CHD5: variants seen among roughly 807,000 people sequenced by gnomAD.
CHD5 encodes the protein ATP-dependent chromatin remodeler CHD5.
In CHD5, 69 loss-of-function variants were observed where a neutral mutation model predicts 230.3. The ratio of observed to expected loss-of-function variants is 0.30; its 90% CI spans 0.25 to 0.37. CHD5 has a LOEUF of 0.37. Among genes scored for constraint, CHD5 ranks in the 10% least tolerant of loss-of-function variants. CHD5 has a pLI of 1.00. For missense variants in CHD5, 1,827 were observed against 2,622.8 expected (o/e 0.70, Z 6.63); for synonymous variants, 1,064 against 1,065.9 (o/e 1.00, Z 0.03).
chr1:6,149,025 C>G lies in CHD5; in HGVS notation c.1212G>C (p.Glu404Asp). The change falls in exon 9 of 42, where the codon GAG becomes GAC. Residue 404 changes from glutamate (E) to aspartate (D), a missense_variant. Coordinates refer to ENST00000262450, the MANE Select transcript of CHD5 (RefSeq NM_015557.3). ...CCTCCTCCTCCTCGCAGCCGCCCTC[C>G]TCCTCTTCATCGTCGTCGTCCTTCG... ...WEPKDDDDEEEEGGCEEEEDD... is the reference protein window; with the variant it reads ...WEPKDDDDEEDEGGCEEEEDD... The G allele has an allele frequency of 6.2e-7, 1 of 1,600,326 alleles. No individual in the cohort carries two copies. Among genetic ancestry groups the G allele is most frequent in the Non-Finnish European group, 8.5e-7 (1 of 1,173,954 alleles).
Position 6,125,274 on chromosome 1 carries a change from A to C in CHD5, c.4261-41T>G. 1.2e-5 allele frequency: 8 copies of C among 653,174 alleles called. No individual in the cohort carries two copies. Among genetic ancestry groups the C allele is most frequent in the Non-Finnish European group, 1.9e-5 (8 of 429,680 alleles). The allele number at this position is 653,174 out of a possible 1,614,324, so 40.5% of individuals were successfully genotyped here. On this transcript the variant is annotated intron_variant, in intron 28 of 41. Coordinates refer to ENST00000262450, the MANE Select transcript of CHD5 (RefSeq NM_015557.3). The surrounding 1 kb of genome is among the most constrained non-coding windows in gnomAD (Gnocchi z 6.7). Reference sequence around the variant, plus strand: ...GTGGGAGTATGAGCCCAGGACAGAGAGGGGTGGGGGTGGAGGATTCTGGGA... The same window carrying C: ...GTGGGAGTATGAGCCCAGGACAGAGCGGGGTGGGGGTGGAGGATTCTGGGA...
In CHD5 at chr1:6,133,295, A is replaced by G. The variant is rs118074459; in HGVS notation, c.3144+833T>C. 2.6e-5 allele frequency among the ~76,000 whole-genome samples: 4 copies of G among 152,280 alleles called. No individual in the cohort carries two copies. In the East Asian group the frequency reaches 7.7e-4, roughly 29 times the overall value. On this transcript the variant is annotated intron_variant, in intron 20 of 41. Transcript: ENST00000262450. ...CGAGGTACTGGGGGGATGTGGGTCC[A>G]TCTCCACTCCAGCCCACTCCTTGGC...
At chr1:6,123,898 G>C in intron 31 of CHD5, 50 bp downstream of exon 31, 4 of 1,347,844 alleles carry the variant, frequency 3.0e-6, no homozygotes, top group Non-Finnish European at 2.9e-6. Context: ...CTGTGACCTT[G>C]CCACTTTCCA....
rs552395890 is a variant in CHD5 at position 6,128,006 on chromosome 1, A to T, written c.3903+40T>A. 12 of 1,322,342 alleles carry T rather than the reference A, an allele frequency of 9.1e-6. No individual in the cohort carries two copies. In the East Asian group the frequency reaches 3.4e-4, roughly 37 times the overall value. The allele number at this position is 1,322,342 out of a possible 1,614,324, so 81.9% of individuals were successfully genotyped here. A position where few individuals can be genotyped will look rare whatever the true frequency, so the allele number is the denominator to read the frequency against. On this transcript the variant is annotated intron_variant, in intron 25 of 41. Coordinates refer to ENST00000262450, the MANE Select transcript of CHD5 (RefSeq NM_015557.3). This position sits in a 1 kb window ranked among gnomAD's most constrained non-coding sequence, Gnocchi z 7.8. The stretch of plus-strand genomic sequence containing the variant: ...CAGTGGGGGGCGGGGCTGCGGATGG[A>T]GGGCGGGGCTGCGGATGGAGGGCGG...
chr1:6,116,559 T>C (rs762146266), intron 33 of CHD5, among the ~76,000 whole-genome samples: 6 of 152,194 alleles, frequency 3.9e-5, no homozygotes, highest in African/African-American at 2.4e-5. Flanking sequence ...TGAGAAAAGA[T>C]AGAAATGACA....
intron 33 of CHD5, among the ~76,000 whole-genome samples, chr1:6,118,344 A>ACT (rs1222555055): frequency 6.8e-6 from 1 of 146,146 alleles, no homozygotes; most frequent in African/African-American, 2.6e-5. Context: ...ATGCCACTGC[A>ACT]CTCCAGCCTG....
rs1667268031 is a variant in CHD5 at position 6,167,115 on chromosome 1, GC to G, written c.207+1034del. ...TGCGCCTCACCAGCTACCTCCCTGG[GC>G]CTCTCACTTGCAAGGTGGGGCCAGG... On this transcript the variant is annotated intron_variant, in intron 2 of 41. Transcript: ENST00000262450. This position sits in a 1 kb window ranked among gnomAD's most constrained non-coding sequence, Gnocchi z 4.5. 6.6e-6 allele frequency among the ~76,000 whole-genome samples: 1 copy of G among 152,146 alleles called. No homozygotes were observed. Among genetic ancestry groups the G allele is most frequent in the South Asian group, 2.1e-4 (1 of 4,834 alleles).
At chr1:6,174,374 G>A (rs1334413939) in intron 1 of CHD5, among the ~76,000 whole-genome samples, 2 of 152,232 alleles carry the variant, frequency 1.3e-5, no homozygotes, top group Non-Finnish European at 1.5e-5. Flanking sequence ...ATGGGTGGAC[G>A]GATAATTGTA....
chr1:6,172,425 G>A (rs1048186383), intron 1 of CHD5, among the ~76,000 whole-genome samples: 9 of 152,070 alleles, frequency 5.9e-5, no homozygotes, highest in East Asian at 1.9e-4. Flanking sequence ...TCCTGGGCTC[G>A]AGCGACCCTC....
Position 6,151,046 on chromosome 1 carries a change from C to T in CHD5, c.980G>A (p.Arg327His), listed in dbSNP as rs763049065. The T allele has an allele frequency of 3.4e-5, 54 of 1,572,610 alleles. No individual in the cohort carries two copies. The South Asian group carries it at 4.1e-4, about 12-fold the overall frequency. The change falls in exon 7 of 42, where the codon CGC becomes CAC. Residue 327 changes from arginine (R) to histidine (H), a missense_variant. Transcript: ENST00000262450. The part of the protein sequence containing the change: ...AALGKKSKRR[R>H]KKKRIDDGDG... ...GGGAGTCATACTCCTCTTCTTCTTG[C>T]GCCTCCTCTTGCTCTTCTTGCCCAG...
intron 33 of CHD5, among the ~76,000 whole-genome samples, chr1:6,120,390 C>T (rs1036446331): frequency 6.6e-6 from 1 of 151,630 alleles, no homozygotes; most frequent in Non-Finnish European, 1.5e-5. Context: ...TAAAGACCAA[C>T]GGGCAAGGTG....
chr1:6,132,319 A>G (rs190263608), intron 20 of CHD5, among the ~76,000 whole-genome samples: 24 of 152,338 alleles, frequency 1.6e-4, no homozygotes, highest in Admixed American at 7.8e-4. Flanking sequence ...AGATTTTGCC[A>G]TGGTCTCTGC....
At chr1:6,170,333 G>T (rs987140980) in intron 1 of CHD5, among the ~76,000 whole-genome samples, 1 of 152,174 alleles carries the variant, frequency 6.6e-6, no homozygotes, top group African/African-American at 2.4e-5. Context: ...CCTAAGCGGG[G>T]AAAGGGGGAC....
At chr1:6,175,356 G>A (rs1188246690) in intron 1 of CHD5, among the ~76,000 whole-genome samples, 1 of 119,392 alleles carries the variant, frequency 8.4e-6, no homozygotes, top group Non-Finnish European at 1.6e-5. Context: ...TGAGTGGATG[G>A]TGGATGGATG....
intron 38 of CHD5, among the ~76,000 whole-genome samples, chr1:6,108,576 T>C (rs1168881620): frequency 7.3e-6 from 1 of 137,286 alleles, no homozygotes; most frequent in Non-Finnish European, 1.6e-5. Context: ...GAAGGGATAA[T>C]GGAGGGATGG....
rs1041067908 is a variant in CHD5, at chr1:6,146,376, G to A, written c.1638C>T (p.Asn546=). ...CAAAGGGGGGCGGCTCATCCATGTC[G>A]TTCTTTCTTTGGTAGTTGCGATACA... ...TVMYRNYQRK[N]DMDEPPPFDY... Residue 546 remains asparagine (N), a synonymous_variant, in exon 11 of 42, where the codon AAC becomes AAT. Transcript: ENST00000262450. This position sits in a 1 kb window ranked among gnomAD's most constrained non-coding sequence, Gnocchi z 5.1. The A allele has an allele frequency of 8.1e-6, 13 of 1,614,008 alleles. No homozygotes were observed. Among genetic ancestry groups the A allele is most frequent in the African/African-American group, 1.3e-5 (1 of 74,906 alleles).
At chr1:6,177,711 G>A (rs1237909666) in intron 1 of CHD5, among the ~76,000 whole-genome samples, 1 of 152,182 alleles carries the variant, frequency 6.6e-6, no homozygotes, top group Admixed American at 6.5e-5. Context: ...TAACATTCGA[G>A]CTGGGACCTA....
Position 6,142,398 on chromosome 1 carries a change from T to C in CHD5, c.2235+16A>G, listed in dbSNP as rs759401658. The C allele has an allele frequency of 6.3e-7, 1 of 1,598,580 alleles. No homozygotes were observed. The highest frequency in any genetic ancestry group is 8.6e-7 in the Non-Finnish European group (1 of 1,168,668). ...GGACCAGCCACCCCTCCTGGCCGCC[T>C]GCCCCGCCTGCCCACCTCCTTGTAG... On this transcript the variant is annotated intron_variant, in intron 14 of 41. Coordinates refer to ENST00000262450, the MANE Select transcript of CHD5 (RefSeq NM_015557.3). The surrounding 1 kb of genome is among the most constrained non-coding windows in gnomAD (Gnocchi z 5.2).
Position 6,110,532 on chromosome 1 carries a change from TG to T in CHD5, c.5250-7del. 1 of 1,559,590 alleles carries T rather than the reference TG, an allele frequency of 6.4e-7. No homozygotes were observed. The stretch of plus-strand genomic sequence containing the variant: ...GCCAGCGGGCGTAGCCGTGCCTGGG[TG>T]GGGCACCATTAAGGGCAAACCTGGC... On this transcript the variant is annotated splice_region_variant and splice_polypyrimidine_tract_variant and intron_variant, in intron 36 of 41. Coordinates refer to ENST00000262450, the MANE Select transcript of CHD5 (RefSeq NM_015557.3).
Sources: allele counts gnomAD v4.1 joint callset (sites outside exome capture counted in the v4.1 genomes callset), GRCh38; gene constraint gnomAD v4.1.1; non-coding constraint Gnocchi (gnomAD v3.1); transcripts MANE v1.5; gene names NCBI Gene and HGNC (gene_info 2026-07-23, HGNC 2026-07-21).